Variants in UNC13D observed in about 807,000 individuals in gnomAD.
UNC13D encodes the protein unc-13 homolog D.
In UNC13D, 115 loss-of-function variants were observed where a neutral mutation model predicts 151.7. The ratio of observed to expected loss-of-function variants is 0.76; its 90% CI spans 0.65 to 0.88. The LOEUF (loss-of-function observed/expected upper bound fraction) is 0.88. Among genes scored for constraint, UNC13D ranks in the 40% least tolerant of loss-of-function variants. The pLI is 0.00. For synonymous variants in UNC13D, 588 were observed against 612.2 expected, an observed-to-expected ratio of 0.96 and a Z score of 0.58; for missense variants, 1,369 against 1,438.7, an observed-to-expected ratio of 0.95 and a Z score of 0.78.
chr17:75,830,506 G>T, intron 28 of UNC13D, 24 bp from the exon 29 acceptor site: 1 of 1,588,566 alleles, frequency 6.3e-7, no homozygotes, highest in South Asian at 1.1e-5. Context: ...CAGGGGCAGG[G>T]TCAGCAGGGT....
chr17:75,840,723 G>A lies in UNC13D; in HGVS notation c.683+39C>T. On this transcript the variant is annotated intron_variant, in intron 8 of 31. Coordinates refer to ENST00000207549, the MANE Select transcript of UNC13D (RefSeq NM_199242.3). This position sits in a 1 kb window ranked among gnomAD's most constrained non-coding sequence, Gnocchi z 4.6. ...CATGTTGGGGGATGGAGGGCAAAAG[G>A]AGCCCCAACCCCTTCCCTGTGAGCC... The A allele has an allele frequency of 6.2e-7, 1 of 1,613,458 alleles. No individual in the cohort carries two copies. Among genetic ancestry groups the A allele is most frequent in the Non-Finnish European group, 8.5e-7 (1 of 1,179,780 alleles).
rs1250277790 is a variant in UNC13D at position 75,834,907 on chromosome 17, G to A, written c.1992+13C>T. On this transcript the variant is annotated intron_variant, in intron 21 of 31. Coordinates refer to ENST00000207549, the MANE Select transcript of UNC13D (RefSeq NM_199242.3). ...CTAGAAAGAGGGGGAAGGACACGTG[G>A]AAGATGCCGCACCTCCACAAACTTG... The A allele has an allele frequency of 1.2e-5, 19 of 1,613,808 alleles. No individual in the cohort carries two copies. Among genetic ancestry groups the A allele is most frequent in the Non-Finnish European group, 1.4e-5 (17 of 1,180,026 alleles).
rs765415089 is a variant in UNC13D, at chr17:75,840,463, C to T, written c.753+44G>A. 9.3e-6 allele frequency: 15 copies of T among 1,612,758 alleles called. No homozygotes were observed. Among genetic ancestry groups the T allele is most frequent in the Non-Finnish European group, 1.0e-5 (12 of 1,179,108 alleles). Reference sequence around the variant, plus strand: ...TCTCCCCAGAACCCCTCCCAACCCCCTCCCTCTGCCTCGCTCCTGGGCCCC... The same window carrying T: ...TCTCCCCAGAACCCCTCCCAACCCCTTCCCTCTGCCTCGCTCCTGGGCCCC... On this transcript the variant is annotated intron_variant, in intron 9 of 31. Transcript: ENST00000207549. The surrounding 1 kb of genome is among the most constrained non-coding windows in gnomAD (Gnocchi z 4.6).
chr17:75,844,115 TC>T, intron 1 of UNC13D, 105 bp downstream of exon 1: 1 of 1,522,626 alleles, frequency 6.6e-7, no homozygotes, highest in Non-Finnish European at 9.0e-7. Flanking sequence ...GGGTCGCTGG[TC>T]CCCAGTCCCA....
At chr17:75,834,595 C>T (rs755911586) in intron 22 of UNC13D, 23 bp downstream of exon 22, 1 of 1,613,494 alleles carries the variant, frequency 6.2e-7, no homozygotes, top group Non-Finnish European at 8.5e-7. Context: ...CAGCTAGACT[C>T]CCAGCCCCAG....
rs918112126 is a variant in UNC13D at position 75,833,242 on chromosome 17, C to T, written c.2368-197G>A. Reference sequence around the variant, plus strand: ...CTCAGCCTGTCCCAGCCACACTGGCCTCCTCTACAGCCCTGGAACCTTCCA... The same window carrying T: ...CTCAGCCTGTCCCAGCCACACTGGCTTCCTCTACAGCCCTGGAACCTTCCA... On this transcript the variant is annotated intron_variant, in intron 24 of 31. Transcript: ENST00000207549. This position sits in a 1 kb window ranked among gnomAD's most constrained non-coding sequence, Gnocchi z 4.0. The T allele has an allele frequency of 3.6e-6, 2 of 553,042 alleles. No homozygotes were observed. The highest frequency in any genetic ancestry group is 1.9e-5 in the African/African-American group (1 of 53,360). 34.3% of individuals were successfully genotyped at this position (553,042 alleles called of 1,614,324 possible).
chr17:75,833,115 A>AC lies in UNC13D; in HGVS notation c.2368-71dup. On this transcript the variant is annotated intron_variant, in intron 24 of 31. Transcript: ENST00000207549. This position sits in a 1 kb window ranked among gnomAD's most constrained non-coding sequence, Gnocchi z 4.0. ...GCCCCACCCCCATCCCCTTCCCCTG[A>AC]CCTGGAGGGAGGAAACAGGGCTGGG... The AC allele has an allele frequency of 6.8e-7, 1 of 1,471,940 alleles. No homozygotes were observed. The highest frequency in any genetic ancestry group is 9.3e-7 in the Non-Finnish European group (1 of 1,076,616). 91.2% of individuals were successfully genotyped at this position (1,471,940 alleles called of 1,614,324 possible).
In UNC13D at chr17:75,828,931, C is replaced by G. The variant is rs200462004; in HGVS notation, c.3007G>C (p.Val1003Leu). The G allele has an allele frequency of 4.4e-5, 70 of 1,606,774 alleles. 2 individuals carry two copies. In the South Asian group the frequency reaches 7.6e-4, roughly 17 times the overall value. The change falls in exon 31 of 32, where the codon GTG (valine) becomes CTG (leucine). Residue 1003 changes from valine to leucine, a missense_variant. Val to Leu is a conservative substitution (Grantham distance 32, BLOSUM62 1). Coordinates refer to ENST00000207549, the MANE Select transcript of UNC13D (RefSeq NM_199242.3). ...RKAGACLLLT[V>L]LDYDTLGADD... Reference sequence around the variant, plus strand: ...GCCCCCAGCGTGTCGTAGTCCAGCACGGTGAGCAGGAGGCATGCCCCAGCC... The same window carrying G: ...GCCCCCAGCGTGTCGTAGTCCAGCAGGGTGAGCAGGAGGCATGCCCCAGCC...
At position 75,835,749 on chromosome 17, in the gene UNC13D, G is replaced by A. The variant is rs766409638; in HGVS notation, c.1625C>T (p.Thr542Met). ...TGGGGACACTACATCACCCACAACC[G>A]TCGTGTGGTCCTGCACCCGCTTGGC... ...LVAKRVQDHT[T>M]VVGDVVSPEM... is the part of the protein sequence containing the mutation. The change falls in exon 19 of 32, where the codon ACG (threonine) becomes ATG (methionine). Residue 542 changes from threonine (T) to methionine (M), a missense_variant. Transcript: ENST00000207549. The A allele has an allele frequency of 2.5e-5, 40 of 1,613,758 alleles. No homozygotes were observed. Among genetic ancestry groups the A allele is most frequent in the South Asian group, 5.5e-5 (5 of 91,096 alleles).
intron 6 of UNC13D, 102 bp downstream of exon 6, chr17:75,842,331 C>T: frequency 6.7e-7 from 1 of 1,489,116 alleles, no homozygotes; most frequent in East Asian, 2.4e-5. Flanking sequence ...GGCCAAACCC[C>T]CTCCCCTGAG....
intron 12 of UNC13D, among the ~76,000 whole-genome samples, chr17:75,839,193 G>A (rs1306220019): frequency 3.3e-5 from 5 of 151,818 alleles, no homozygotes; most frequent in Admixed American, 2.0e-4. Context: ...ACCTGAGGTC[G>A]GGAGTTGGAG....
At chr17:75,831,574 A>C (rs1035343666) in intron 25 of UNC13D, 2 of 585,008 alleles carry the variant, frequency 3.4e-6, no homozygotes, top group Non-Finnish European at 6.1e-6. Context: ...ACACCTCTCA[A>C]CCTCAGTGAG....
At chr17:75,843,308 C>G (rs771710328) in intron 2 of UNC13D, 42 bp from the exon 3 acceptor site, 1 of 1,600,246 alleles carries the variant, frequency 6.2e-7, no homozygotes, top group South Asian at 1.1e-5. Context: ...ACCAGCCACC[C>G]CTGGCACCAA....
Position 75,831,095 on chromosome 17 carries a change from TAC to T in UNC13D, c.2625+1_2625+2del. The T allele has an allele frequency of 6.2e-7, 1 of 1,613,848 alleles. No individual in the cohort carries two copies. The highest frequency in any genetic ancestry group is 8.5e-7 in the Non-Finnish European group (1 of 1,180,004). ...TACGGGGAAGCTCACCCAAAGCCCC[TAC>T]CTGGAAGGTGGCAGTGTGCAGGGCC... On this transcript the variant is annotated splice_donor_variant, in intron 27 of 31. Transcript: ENST00000207549. LOFTEE classifies it high-confidence loss of function.
intron 1 of UNC13D, chr17:75,843,962 G>GGAT (rs2064967975): frequency 1.4e-6 from 2 of 1,402,720 alleles, no homozygotes; most frequent in South Asian, 3.1e-5. Flanking sequence ...GAGGAGTAGG[G>GGAT]GATGGGGTCA....
In UNC13D at chr17:75,835,404, CCCA is replaced by C; in HGVS notation, c.1848+2_1848+4del. On this transcript the variant is annotated splice_donor_variant and splice_donor_region_variant and intron_variant, in intron 20 of 31. Transcript: ENST00000207549. LOFTEE classifies it high-confidence loss of function. Reference sequence around the variant, plus strand: ...CCCCGCCCCCTGCCCTGGCCACGCCCCCACCTCATCCATCTGCACAGCGCGCTG... The same window carrying C: ...CCCCGCCCCCTGCCCTGGCCACGCCCCCTCATCCATCTGCACAGCGCGCTG... 2 of 1,611,466 alleles carry C rather than the reference CCCA, an allele frequency of 1.2e-6. No homozygotes were observed. Among genetic ancestry groups the C allele is most frequent in the Non-Finnish European group, 1.7e-6 (2 of 1,179,626 alleles).
chr17:75,828,126 A>G, intron 31 of UNC13D, 40 bp from the exon 32 acceptor site: 1 of 1,561,218 alleles, frequency 6.4e-7, no homozygotes, highest in Non-Finnish European at 8.7e-7. Flanking sequence ...GCCAGGGGAG[A>G]GGGCAGTGCC....
In UNC13D at chr17:75,827,839, A is replaced by T. The variant is rs2062134182; in HGVS notation, c.*126T>A. ...GAGGTCTGCACTCTGGGCACTCCGC[A>T]TGCTGGGGCTCCCCAAGTGTTAGGC... On this transcript the variant is annotated 3_prime_UTR_variant, in exon 32 of 32. Coordinates refer to ENST00000207549, the MANE Select transcript of UNC13D (RefSeq NM_199242.3). 8.6e-6 allele frequency: 13 copies of T among 1,514,312 alleles called. No homozygotes were observed. The highest frequency in any genetic ancestry group is 1.1e-5 in the Non-Finnish European group (13 of 1,131,770). The allele number at this position is 1,514,312 out of a possible 1,614,324, so 93.8% of individuals were successfully genotyped here. A position where few individuals can be genotyped will look rare whatever the true frequency, so the allele number is the denominator to read the frequency against.
Position 75,836,671 on chromosome 17 carries a change from C to T in UNC13D, c.1199G>A (p.Ser400Asn), listed in dbSNP as rs747320781. The T allele has an allele frequency of 1.2e-5, 19 of 1,613,592 alleles. No individual in the cohort carries two copies. The highest frequency in any genetic ancestry group is 2.7e-5 in the African/African-American group (2 of 74,952). ...EQQEELAASF[S>N]SLLTYGLSLI... ...GGAGAGGCCGTAGGTCAGCAGGGAGCTGAATGAGGCGGCCAGCTCCTCCTG... is the reference window on the plus strand; with the variant it reads ...GGAGAGGCCGTAGGTCAGCAGGGAGTTGAATGAGGCGGCCAGCTCCTCCTG... The change falls in exon 14 of 32, where the codon AGC becomes AAC. Residue 400 changes from serine to asparagine, a missense_variant. By Grantham distance (46) the Ser-to-Asn change is conservative. Transcript: ENST00000207549.
Sources: gnomAD v4.1 joint callset for allele counts (sites outside exome capture counted in the v4.1 genomes callset) on GRCh38, gnomAD v4.1.1 for gene constraint, Gnocchi (gnomAD v3.1) non-coding constraint, MANE v1.5 for transcripts, NCBI Gene and HGNC (gene_info 2026-07-23, HGNC 2026-07-21) for gene names.